The following PATJ variants were observed in gnomAD, a reference collection of about 807,000 sequenced individuals.
The protein encoded by PATJ is inaD-like protein.
In PATJ, 190 loss-of-function variants were observed where a neutral mutation model predicts 224.9. That is an observed-to-expected ratio of 0.84 (90% CI 0.75 to 0.95). The LOEUF (loss-of-function observed/expected upper bound fraction) is 0.95, where lower values mean the gene tolerates loss of function less well. PATJ is among the 40% of genes least tolerant of loss of function. PATJ has a pLI of 0.00. For synonymous variants in PATJ, 769 were observed against 820.3 expected (o/e 0.94, Z 1.07); for missense variants, 2,121 against 2,270.3 (o/e 0.93, Z 1.34).
At chr1:62,093,455 C>T (rs543213888) in intron 33 of PATJ, among the ~76,000 whole-genome samples, 2 of 152,266 alleles carry the variant, frequency 1.3e-5, no homozygotes, top group South Asian at 2.1e-4. Flanking sequence ...GAACTTTGTA[C>T]GGTCTATTTC....
At chr1:61,884,097 C>T (rs1668472685) in intron 21 of PATJ, 140 bp from the exon 22 acceptor site, 1 of 491,328 alleles carries the variant, frequency 2.0e-6, no homozygotes, top group East Asian at 3.0e-5. Flanking sequence ...ATATTAAAGC[C>T]TTTATTTATT....
chr1:61,908,759 G>A (rs899950348), intron 25 of PATJ, among the ~76,000 whole-genome samples: 6 of 152,136 alleles, frequency 3.9e-5, no homozygotes, highest in African/African-American at 1.4e-4. Flanking sequence ...TTATTTACCA[G>A]CTTTGCTAAC....
At chr1:61,916,048 T>G (rs1235276253) in intron 26 of PATJ, among the ~76,000 whole-genome samples, 1 of 152,172 alleles carries the variant, frequency 6.6e-6, no homozygotes, top group African/African-American at 2.4e-5. Context: ...AGGTATTTTA[T>G]TTTGCTATTT....
rs928339985 is a variant in PATJ at position 61,828,444 on chromosome 1, C to T, written c.1980+861C>T. Among the ~76,000 whole-genome samples, 3 of 149,888 alleles carry T rather than the reference C, an allele frequency of 2.0e-5. No individual in the cohort carries two copies. In the South Asian group the frequency reaches 6.3e-4, roughly 32 times the overall value. ...AACAGGATCTCCCCAGGCTGGAGCA[C>T]AGTGTTTTGAACATGGCTCACTGTA... On this transcript the variant is annotated intron_variant, in intron 16 of 43. Coordinates refer to ENST00000642238, the MANE Select transcript of PATJ (RefSeq NM_001350145.3).
intron 25 of PATJ, among the ~76,000 whole-genome samples, chr1:61,910,383 A>G (rs1194567327): frequency 2.6e-5 from 4 of 152,228 alleles, no homozygotes; most frequent in East Asian, 1.9e-4. Context: ...CTTATTCCCT[A>G]TGTAGTATAA....
At chr1:62,022,350 A>G in intron 29 of PATJ, among the ~76,000 whole-genome samples, 1 of 152,156 alleles carries the variant, frequency 6.6e-6, no homozygotes, top group African/African-American at 2.4e-5. Context: ...TGCTTTTCGC[A>G]TCATTAGATT....
At chr1:61,775,379 A>G (rs1646856839) in intron 7 of PATJ, 45 bp downstream of exon 7, 2 of 1,551,116 alleles carry the variant, frequency 1.3e-6, no homozygotes, top group Non-Finnish European at 8.8e-7. Context: ...ATAAAATTTA[A>G]GTTGTATGAA....
chr1:61,861,804 G>T, intron 19 of PATJ, 137 bp downstream of exon 19: 1 of 503,620 alleles, frequency 2.0e-6, no homozygotes, highest in South Asian at 4.0e-5. Flanking sequence ...ACATAAAGAA[G>T]ACAAAAGCTT....
At chr1:62,023,959 T>C (rs1248828989) in intron 29 of PATJ, among the ~76,000 whole-genome samples, 1 of 152,222 alleles carries the variant, frequency 6.6e-6, no homozygotes, top group Non-Finnish European at 1.5e-5. Flanking sequence ...ATGATCATCA[T>C]ATGATTTTCG....
Position 61,797,406 on chromosome 1 carries a change from A to C in PATJ, c.1380A>C (p.Pro460=), listed in dbSNP as rs762569193. ...VRRKTSSSTS[P]LEPPSDRGTV... is the part of the protein sequence containing the mutation. ...GGAAGACATCCTCATCTACTTCTCCACTTGAACCACCTTCAGACAGAGGTG... is the reference window on the plus strand; with the variant it reads ...GGAAGACATCCTCATCTACTTCTCCCCTTGAACCACCTTCAGACAGAGGTG... The change falls in exon 11 of 44, where the codon CCA becomes CCC. Residue 460 remains proline (P), a synonymous_variant. Coordinates refer to ENST00000642238, the MANE Select transcript of PATJ (RefSeq NM_001350145.3). The C allele has an allele frequency of 7.4e-6, 12 of 1,613,608 alleles. No homozygotes were observed. In the Admixed American group the frequency reaches 8.3e-5, roughly 11 times the overall value.
chr1:62,128,942 G>T lies in PATJ; in HGVS notation c.5268G>T (p.Leu1756=). The T allele has an allele frequency of 6.3e-7, 1 of 1,597,250 alleles. No homozygotes were observed. Among genetic ancestry groups the T allele is most frequent in the East Asian group, 2.2e-5 (1 of 44,684 alleles). The change falls in exon 41 of 44, where the codon CTG becomes CTT. Residue 1756 remains leucine (L), a synonymous_variant. Transcript: ENST00000642238. ...LLKNAYGRII[L]QVVADTNISA... ...AGAACGCCTACGGGCGCATTATCCT[G>T]CAGGTATTGCGATCAACGGAGCACG...
chr1:61,856,349 A>ATG, intron 18 of PATJ, 110 bp downstream of exon 18: 1 of 822,272 alleles, frequency 1.2e-6, no homozygotes, highest in Non-Finnish European at 2.0e-6. Context: ...ACTGTTTACT[A>ATG]TGTGTGTGAC....
intron 17 of PATJ, among the ~76,000 whole-genome samples, chr1:61,842,378 G>T (rs976001054): frequency 6.6e-6 from 1 of 152,166 alleles, no homozygotes; most frequent in African/African-American, 2.4e-5. Flanking sequence ...AAATCCCATT[G>T]TGTCTAGTGG....
At chr1:61,881,897 G>T (rs2149062339) in intron 21 of PATJ, among the ~76,000 whole-genome samples, 1 of 152,260 alleles carries the variant, frequency 6.6e-6, no homozygotes, top group Middle Eastern at 3.4e-3. Context: ...ATGCACAATA[G>T]ATGCGACTTC....
chr1:62,121,468 G>T (rs988948196), intron 38 of PATJ, among the ~76,000 whole-genome samples, 173 bp downstream of exon 38: 9 of 152,066 alleles, frequency 5.9e-5, no homozygotes, highest in African/African-American at 2.2e-4. Flanking sequence ...AAGCCATAGA[G>T]ATTCCTTCAG....
At chr1:61,799,542 TG>T (rs980827558) in intron 11 of PATJ, among the ~76,000 whole-genome samples, 22 of 152,224 alleles carry the variant, frequency 1.4e-4, no homozygotes, top group Admixed American at 9.8e-4. Context: ...TTTATATAAA[TG>T]TTTTTTTAAT....
chr1:62,093,204 T>C (rs1479513979), intron 33 of PATJ, among the ~76,000 whole-genome samples: 1 of 152,214 alleles, frequency 6.6e-6, no homozygotes, highest in Non-Finnish European at 1.5e-5. Flanking sequence ...ATTTGGGTAC[T>C]ATGTGGCAAA....
chr1:61,876,898 G>A (rs1254708573), intron 21 of PATJ, among the ~76,000 whole-genome samples: 1 of 152,124 alleles, frequency 6.6e-6, no homozygotes, highest in Non-Finnish European at 1.5e-5. Context: ...CTCTTCATGG[G>A]TTATAAAACT....
At chr1:62,068,577 G>C (rs1175402915) in intron 31 of PATJ, among the ~76,000 whole-genome samples, 1 of 152,214 alleles carries the variant, frequency 6.6e-6, no homozygotes, top group African/African-American at 2.4e-5. Context: ...TGTGGTTCAA[G>C]TGTCCACCCT....
Sources: gnomAD v4.1 joint callset for allele counts (sites outside exome capture counted in the v4.1 genomes callset) on GRCh38, gnomAD v4.1.1 for gene constraint, MANE v1.5 for transcripts, NCBI Gene and HGNC (gene_info 2026-07-23, HGNC 2026-07-21) for gene names.